Variants in FBXL2 observed in about 807,000 individuals in gnomAD.
FBXL2 encodes the protein F-box and leucine rich repeat protein 2.
FBXL2 carries 38 observed loss-of-function variants against 69.2 expected under a neutral mutation model. The observed-to-expected ratio is 0.55, with a 90% confidence interval of 0.42 to 0.72. The LOEUF is 0.72. Ranked by LOEUF, FBXL2 falls within the 30% of genes least tolerant of loss-of-function variation. FBXL2 has a pLI of 0.00. For synonymous variants in FBXL2, 192 were observed against 201.3 expected, an observed-to-expected ratio of 0.95 and a Z score of 0.39; for missense variants, 354 against 520.3, an observed-to-expected ratio of 0.68 and a Z score of 3.11.
At chr3:33,285,255 G>T (rs971871879) in intron 1 of FBXL2, among the ~76,000 whole-genome samples, 19 of 152,142 alleles carry the variant, frequency 1.2e-4, no homozygotes, top group Non-Finnish European at 2.8e-4. Context: ...AAATCTCTCA[G>T]CATTTGTTTG....
At chr3:33,384,631 T>TGTC (rs930118934) in intron 14 of FBXL2, among the ~76,000 whole-genome samples, 18 of 152,184 alleles carry the variant, frequency 1.2e-4, no homozygotes, top group Non-Finnish European at 1.3e-4. Context: ...GGTACAATAG[T>TGTC]GTCACCTTAA....
intron 2 of FBXL2, among the ~76,000 whole-genome samples, chr3:33,300,962 C>G (rs1228453302): frequency 6.6e-6 from 1 of 152,042 alleles, no homozygotes; most frequent in Non-Finnish European, 1.5e-5. Flanking sequence ...CTTGGCCTCC[C>G]AAAGTGCTGG....
At chr3:33,403,781 C>T (rs187879672), downstream of FBXL2, 201 of 152,316 alleles carry the variant, frequency 1.3e-3, 2 homozygotes, top group African/African-American at 4.6e-3. Context: ...ATCTCAAATA[C>T]AAGTCTTCAG....
chr3:33,347,949 A>G (rs2040564500), intron 2 of FBXL2, among the ~76,000 whole-genome samples: 1 of 151,974 alleles, frequency 6.6e-6, no homozygotes, highest in African/African-American at 2.4e-5. Context: ...TAGTTTGCAA[A>G]TATTTTTTCC....
At chr3:33,316,343 G>A (rs912551313) in intron 2 of FBXL2, among the ~76,000 whole-genome samples, 18 of 152,144 alleles carry the variant, frequency 1.2e-4, no homozygotes, top group African/African-American at 4.3e-4. Flanking sequence ...ACAGGCATGA[G>A]CCACCACGCC....
At chr3:33,401,526 A>G (rs2044228649) in intron 12 of FBXL2, among the ~76,000 whole-genome samples, 1 of 152,230 alleles carries the variant, frequency 6.6e-6, no homozygotes. Flanking sequence ...ATTAACTTGT[A>G]CCACTATCCT....
intron 4 of FBXL2, 77 bp from the exon 5 acceptor site, chr3:33,364,548 G>A (rs571257419): frequency 8.0e-7 from 1 of 1,252,624 alleles, no homozygotes; most frequent in South Asian, 1.2e-5. Flanking sequence ...TCAGTTCCTA[G>A]ATTTCAGGTT....
chr3:33,383,311 T>A (rs2043182663), intron 13 of FBXL2: 1 of 152,610 alleles, frequency 6.6e-6, no homozygotes, highest in Admixed American at 6.5e-5. Flanking sequence ...TTACATTTGA[T>A]ATGCACTGGG....
the FBXL2 span, chr3:33,409,371 A>G: frequency 6.2e-7 from 1 of 1,613,962 alleles, no homozygotes; most frequent in South Asian, 1.1e-5. Context: ...ATACTATTTC[A>G]TCTATCAGGC....
intron 2 of FBXL2, among the ~76,000 whole-genome samples, chr3:33,338,922 C>T (rs952725971): frequency 1.7e-4 from 26 of 152,012 alleles, no homozygotes; most frequent in Non-Finnish European, 4.4e-5. Flanking sequence ...AAAAATTGAC[C>T]AGTGGGACCT....
At chr3:33,392,426 T>C, downstream of FBXL2, 1 of 716,446 alleles carries the variant, frequency 1.4e-6, no homozygotes, top group Non-Finnish European at 2.2e-6. Context: ...CCACTAGAAA[T>C]ATTCTCATTT....
chr3:33,412,149 T>C, the FBXL2 span, among the ~76,000 whole-genome samples: 1 of 140,576 alleles, frequency 7.1e-6, no homozygotes, highest in Non-Finnish European at 1.5e-5. Flanking sequence ...ATCGCGCCAC[T>C]GCACTCCAGC....
chr3:33,377,548 G>A (rs999861894), intron 11 of FBXL2, among the ~76,000 whole-genome samples: 16 of 152,162 alleles, frequency 1.1e-4, no homozygotes, highest in East Asian at 3.9e-4. Flanking sequence ...AGCCTCACGC[G>A]TGGTCAAGTG....
intron 2 of FBXL2, among the ~76,000 whole-genome samples, chr3:33,315,030 A>G (rs2037551174): frequency 6.6e-6 from 1 of 152,204 alleles, no homozygotes; most frequent in Non-Finnish European, 1.5e-5. Flanking sequence ...CCTTAAGACA[A>G]ACATTTTAAG....
At chr3:33,360,271 G>A (rs1398822785) in intron 4 of FBXL2, among the ~76,000 whole-genome samples, 1 of 152,206 alleles carries the variant, frequency 6.6e-6, no homozygotes, top group African/African-American at 2.4e-5. Flanking sequence ...GTAGGATTGA[G>A]CTAAGCAATT....
chr3:33,285,266 T>A (rs1407054327), intron 1 of FBXL2, among the ~76,000 whole-genome samples: 4 of 152,242 alleles, frequency 2.6e-5, no homozygotes, highest in African/African-American at 9.6e-5. Flanking sequence ...CATTTGTTTG[T>A]CTGTAAAGGA....
rs67092664 is a variant in FBXL2 at position 33,340,895 on chromosome 3, C to CAAA, written c.66-18050_66-18048dup. Among the ~76,000 whole-genome samples, 440 of 85,960 alleles carry CAAA rather than the reference C, an allele frequency of 5.1e-3. 1 individual carries two copies. Among genetic ancestry groups the CAAA allele is most frequent in the Non-Finnish European group, 6.1e-3 (277 of 45,316 alleles). The allele number at this position is 85,960 out of a possible 152,430, so 56.4% of individuals were successfully genotyped here. On this transcript the variant is annotated intron_variant, in intron 2 of 14. Transcript: ENST00000484457. ...GGTGACCAAGTGAGATTCCTTTGCC[C>CAAA]AAAAAAAAAAAAAAAAAAAAAAAAG...
At chr3:33,414,871 A>T in the FBXL2 span, among the ~76,000 whole-genome samples, 1 of 152,220 alleles carries the variant, frequency 6.6e-6, no homozygotes, top group African/African-American at 2.4e-5. Flanking sequence ...CTTCAGAATA[A>T]GTAACCTTGT....
At chr3:33,278,866 T>C (rs2125656938) in intron 1 of FBXL2, among the ~76,000 whole-genome samples, 1 of 152,346 alleles carries the variant, frequency 6.6e-6, no homozygotes, top group East Asian at 1.9e-4. Flanking sequence ...TACTGTAATA[T>C]GTTATATGTG....
Sources: gnomAD v4.1 joint callset for allele counts (sites outside exome capture counted in the v4.1 genomes callset) on GRCh38, gnomAD v4.1.1 for gene constraint, MANE v1.5 for transcripts, NCBI Gene and HGNC (gene_info 2026-07-23, HGNC 2026-07-21) for gene names.